Variants in ZNF804B observed in about 807,000 individuals in gnomAD.
ZNF804B encodes the protein zinc finger protein 804B, also known as zinc finger 804B.
Under a neutral mutation model 101.4 loss-of-function variants are expected in ZNF804B, and 80 were observed. The ratio of observed to expected loss-of-function variants is 0.79; its 90% CI spans 0.66 to 0.95. The LOEUF (loss-of-function observed/expected upper bound fraction) is 0.95, where lower values mean the gene tolerates loss of function less well. Among genes scored for constraint, ZNF804B ranks in the 40% least tolerant of loss-of-function variants. ZNF804B has a pLI of 0.00. For synonymous variants in ZNF804B, 622 were observed against 558.8 expected, an observed-to-expected ratio of 1.11 and a Z score of -1.59; for missense variants, 1,673 against 1,561.9, an observed-to-expected ratio of 1.07 and a Z score of -1.20.
chr7:88,996,147 C>T (rs1319787408), intron 1 of ZNF804B, among the ~76,000 whole-genome samples: 1 of 151,974 alleles, frequency 6.6e-6, no homozygotes, highest in Admixed American at 6.6e-5. Flanking sequence ...TCATTAATTT[C>T]ATTGCAAATG....
intron 1 of ZNF804B, among the ~76,000 whole-genome samples, chr7:88,846,823 A>G (rs1791379541): frequency 6.6e-6 from 1 of 152,038 alleles, no homozygotes; most frequent in Admixed American, 6.6e-5. Flanking sequence ...TGAGACTACC[A>G]TATGTGTGTA....
chr7:89,062,503 T>A (rs1290968734), intron 1 of ZNF804B, among the ~76,000 whole-genome samples: 1 of 152,180 alleles, frequency 6.6e-6, no homozygotes, highest in Non-Finnish European at 1.5e-5. Context: ...TTGTTATTTT[T>A]ATTTATATAT....
intron 1 of ZNF804B, among the ~76,000 whole-genome samples, chr7:88,822,258 G>C (rs1452379037): frequency 6.6e-6 from 1 of 152,088 alleles, no homozygotes; most frequent in African/African-American, 2.4e-5. Context: ...GAGAACCAAA[G>C]CCAGATTTAT....
chr7:88,856,786 T>C (rs10246689), intron 1 of ZNF804B, among the ~76,000 whole-genome samples: 4,272 of 152,236 alleles, frequency 0.028, 212 homozygotes, highest in African/African-American at 0.097. Flanking sequence ...GTCCCATCAA[T>C]ACCTAGTTTA....
At chr7:89,038,937 G>A (rs946293708) in intron 1 of ZNF804B, among the ~76,000 whole-genome samples, 1 of 151,956 alleles carries the variant, frequency 6.6e-6, no homozygotes, top group African/African-American at 2.4e-5. Context: ...CCATGTATTT[G>A]TGGCATTTTT....
At chr7:89,049,197 A>T (rs1392696594) in intron 1 of ZNF804B, among the ~76,000 whole-genome samples, 1 of 152,188 alleles carries the variant, frequency 6.6e-6, no homozygotes, top group Admixed American at 6.5e-5. Flanking sequence ...ATGTTGAATC[A>T]GCTTTTTTAG....
At chr7:89,089,681 TTAAAA>T (rs1346082527) in intron 1 of ZNF804B, among the ~76,000 whole-genome samples, 1 of 152,048 alleles carries the variant, frequency 6.6e-6, no homozygotes, top group African/African-American at 2.4e-5. Context: ...TGAAATATAA[TTAAAA>T]TGAAATTAAA....
At chr7:89,089,929 T>C (rs543142738) in intron 1 of ZNF804B, among the ~76,000 whole-genome samples, 1 of 152,228 alleles carries the variant, frequency 6.6e-6, no homozygotes, top group South Asian at 2.1e-4. Context: ...CCCAAAGATC[T>C]ATGTGTTTGA....
At chr7:88,905,037 GA>G (rs1457788182) in intron 1 of ZNF804B, among the ~76,000 whole-genome samples, 1 of 152,150 alleles carries the variant, frequency 6.6e-6, no homozygotes, top group Non-Finnish European at 1.5e-5. Context: ...GTTCTCAAGG[GA>G]AATGTTTCCA....
chr7:88,782,603 G>A (rs35763747), intron 1 of ZNF804B, among the ~76,000 whole-genome samples: 50,629 of 151,914 alleles, frequency 0.33, 9,879 homozygotes, highest in East Asian at 0.61. Flanking sequence ...TCATCAAAGA[G>A]ATATTTTGAT....
At chr7:88,816,363 A>G (rs1378882214) in intron 1 of ZNF804B, among the ~76,000 whole-genome samples, 3 of 152,194 alleles carry the variant, frequency 2.0e-5, no homozygotes, top group Non-Finnish European at 4.4e-5. Flanking sequence ...AATGGCAACA[A>G]AAGTCAAAAT....
intron 1 of ZNF804B, among the ~76,000 whole-genome samples, chr7:88,798,278 C>G (rs1261887750): frequency 6.6e-6 from 1 of 151,962 alleles, no homozygotes. Flanking sequence ...TATCTAGATT[C>G]CTCCAATATA....
chr7:88,796,768 C>A (rs542455698), intron 1 of ZNF804B, among the ~76,000 whole-genome samples: 1 of 152,084 alleles, frequency 6.6e-6, no homozygotes, highest in Non-Finnish European at 1.5e-5. Context: ...TTTGTGAGGG[C>A]AGGTAAGTGG....
At chr7:89,325,934 T>C (rs1025579011) in intron 2 of ZNF804B, among the ~76,000 whole-genome samples, 2 of 151,938 alleles carry the variant, frequency 1.3e-5, no homozygotes, top group Non-Finnish European at 2.9e-5. Flanking sequence ...CTCTAAGAAA[T>C]AGGCTTTCAA....
At chr7:89,221,654 A>T (rs1300593474) in intron 2 of ZNF804B, among the ~76,000 whole-genome samples, 1 of 151,776 alleles carries the variant, frequency 6.6e-6, no homozygotes. Context: ...TATTTCTATT[A>T]GCTATCTAAC....
chr7:89,242,244 T>A (rs2115766231), intron 2 of ZNF804B, among the ~76,000 whole-genome samples: 1 of 151,700 alleles, frequency 6.6e-6, no homozygotes, highest in Admixed American at 6.6e-5. Context: ...AATTTATAAA[T>A]ACTGTTGGAA....
At chr7:89,017,779 T>G (rs1788593358) in intron 1 of ZNF804B, among the ~76,000 whole-genome samples, 1 of 152,222 alleles carries the variant, frequency 6.6e-6, no homozygotes, top group Non-Finnish European at 1.5e-5. Flanking sequence ...GTAGCCATTT[T>G]AAATGGGATT....
intron 2 of ZNF804B, among the ~76,000 whole-genome samples, chr7:89,219,739 G>A (rs80320795): frequency 1.5e-4 from 4 of 27,200 alleles, no homozygotes; most frequent in African/African-American, 6.3e-4. Flanking sequence ...GGAATGTGTG[G>A]GTAAGTCTTG....
At chr7:88,877,657 A>G (rs1258372952) in intron 1 of ZNF804B, among the ~76,000 whole-genome samples, 1 of 152,138 alleles carries the variant, frequency 6.6e-6, no homozygotes, top group African/African-American at 2.4e-5. Flanking sequence ...AAGCATAATA[A>G]TAGTGTCTAC....
Sources: allele counts gnomAD v4.1 joint callset (sites outside exome capture counted in the v4.1 genomes callset), GRCh38; gene constraint gnomAD v4.1.1; transcripts MANE v1.5; gene names NCBI Gene and HGNC (gene_info 2026-07-23, HGNC 2026-07-21).